LIMCH1: variants seen among roughly 807,000 people sequenced by gnomAD.
LIMCH1 encodes the protein LIM and calponin homology domains 1, also known as LIM and calponin homology domains-containing protein 1.
LIMCH1 carries 113 observed loss-of-function variants against 176.5 expected under a neutral mutation model. The ratio of observed to expected loss-of-function variants is 0.64; its 90% confidence interval spans 0.55 to 0.75. The LOEUF (loss-of-function observed/expected upper bound fraction) is 0.75, where lower values mean the gene tolerates loss of function less well. Ranked by LOEUF, LIMCH1 falls within the 30% of genes least tolerant of loss-of-function variation. The pLI, the probability that LIMCH1 is intolerant of heterozygous loss-of-function variation, is 0.00. For missense variants in LIMCH1, 1,674 were observed against 1,814.9 expected (o/e 0.92, Z 1.41); for synonymous variants, 619 against 645.9 (o/e 0.96, Z 0.63).
chr4:41,623,291 C>T (rs534543242), intron 7 of LIMCH1, among the ~76,000 whole-genome samples: 9 of 152,286 alleles, frequency 5.9e-5, no homozygotes, highest in East Asian at 3.9e-4. Flanking sequence ...CTGACCAGCA[C>T]GTCTTTGCAC....
At chr4:41,461,168 G>A (rs2065318198) in intron 1 of LIMCH1, among the ~76,000 whole-genome samples, 1 of 152,164 alleles carries the variant, frequency 6.6e-6, no homozygotes, top group Non-Finnish European at 1.5e-5. Flanking sequence ...GGTAGATACT[G>A]TTGTTACCTT....
chr4:41,440,089 G>A (rs2062545483), intron 1 of LIMCH1, among the ~76,000 whole-genome samples: 2 of 152,168 alleles, frequency 1.3e-5, no homozygotes, highest in African/African-American at 4.8e-5. Context: ...AGCTGCTGGA[G>A]GAAAGGAAGA....
rs57836727 is a variant in LIMCH1 at position 41,461,895 on chromosome 4, G to C, written c.97-32641G>C. ...TAAGAGCGTAATGAAATGAGCATGT[G>C]CATCCCACAGCCCTTCATCAGGGCC... On this transcript the variant is annotated intron_variant, in intron 1 of 26. Coordinates refer to the LIMCH1 transcript ENST00000313860. Among the ~76,000 whole-genome samples, 565 of 152,312 alleles carry C rather than the reference G, an allele frequency of 3.7e-3. 2 individuals carry two copies. Among genetic ancestry groups the C allele is most frequent in the African/African-American group, 0.013 (529 of 41,568 alleles).
chr4:41,368,300 A>G (rs930581859), intron 1 of LIMCH1, among the ~76,000 whole-genome samples: 1 of 152,226 alleles, frequency 6.6e-6, no homozygotes, highest in Non-Finnish European at 1.5e-5. Flanking sequence ...TATTTCCTGA[A>G]AAGTGTTTAC....
At chr4:41,560,848 G>A (rs1292590661) in intron 1 of LIMCH1, among the ~76,000 whole-genome samples, 2 of 151,998 alleles carry the variant, frequency 1.3e-5, no homozygotes, top group African/African-American at 4.8e-5. Context: ...GTGAAACCCT[G>A]GATCTACAGA....
intron 1 of LIMCH1, among the ~76,000 whole-genome samples, chr4:41,361,402 A>G (rs769792844): frequency 1.1e-4 from 17 of 152,200 alleles, no homozygotes; most frequent in Admixed American, 3.9e-4. Context: ...CTTCCGGAGC[A>G]GAGTTGGCAG....
At chr4:41,645,256 A>G (rs1340384121) in intron 15 of LIMCH1, among the ~76,000 whole-genome samples, 1 of 152,222 alleles carries the variant, frequency 6.6e-6, no homozygotes, top group Non-Finnish European at 1.5e-5. Context: ...ATTTCATTTA[A>G]TTCTCACAAA....
chr4:41,622,706 G>T (rs1345481657), intron 7 of LIMCH1, among the ~76,000 whole-genome samples: 1 of 152,108 alleles, frequency 6.6e-6, no homozygotes, highest in African/African-American at 2.4e-5. Context: ...TCAAATCATA[G>T]TTTAAAAATG....
rs1224790122 is a variant in LIMCH1, at chr4:41,662,913, T to C, written c.3220T>C (p.Ser1074Pro). The stretch of plus-strand genomic sequence containing the variant: ...CAGCCCCCAGCTGAAGAATGATGTG[T>C]CGGAAGAAAAAGACCAGAAGAAACC... ...PSSPQLKNDV[S>P]EEKDQKKPEN... Residue 1074 changes from serine (S) to proline (P), a missense_variant, in exon 20 of 32, where the codon TCG becomes CCG. Coordinates refer to ENST00000503057, the MANE Select transcript of LIMCH1 (RefSeq NM_001330672.2). 6.2e-7 allele frequency: 1 copy of C among 1,613,838 alleles called. No individual in the cohort carries two copies. Among genetic ancestry groups the C allele is most frequent in the Non-Finnish European group, 8.5e-7 (1 of 1,179,956 alleles).
intron 1 of LIMCH1, among the ~76,000 whole-genome samples, chr4:41,417,238 C>T (rs1461869514): frequency 1.3e-5 from 2 of 152,126 alleles, no homozygotes. Flanking sequence ...GATCGAGTCA[C>T]TCCGGGTGAA....
chr4:41,650,497 G>C lies in LIMCH1; in HGVS notation c.2925G>C (p.Gln975His). ...VAPAHSLTKSQMFEGVARVHG... is the reference protein window; with the variant it reads ...VAPAHSLTKSHMFEGVARVHG... ...CTGCCCACTCCTTAACCAAATCCCA[G>C]ATGTTTGAAGGTGTGGCCAGAGTGC... The change falls in exon 18 of 32, where the codon CAG (glutamine) becomes CAC (histidine). Residue 975 changes from glutamine to histidine, a missense_variant. By Grantham distance (24) the Gln-to-His change is conservative. Coordinates refer to ENST00000503057, the MANE Select transcript of LIMCH1 (RefSeq NM_001330672.2). 1 of 1,614,080 alleles carries C rather than the reference G, an allele frequency of 6.2e-7. No individual in the cohort carries two copies. The highest frequency in any genetic ancestry group is 8.5e-7 in the Non-Finnish European group (1 of 1,180,010).
chr4:41,402,217 C>G (rs1301308419), intron 1 of LIMCH1, among the ~76,000 whole-genome samples: 1 of 152,088 alleles, frequency 6.6e-6, no homozygotes, highest in Non-Finnish European at 1.5e-5. Flanking sequence ...CCAAAAGACA[C>G]ATGAAAAATG....
At chr4:41,365,858 G>A (rs1042661763) in intron 1 of LIMCH1, among the ~76,000 whole-genome samples, 4 of 152,196 alleles carry the variant, frequency 2.6e-5, no homozygotes, top group Non-Finnish European at 4.4e-5. Context: ...TTCTTGCCCC[G>A]GCATCTCCCT....
intron 14 of LIMCH1, among the ~76,000 whole-genome samples, chr4:41,641,341 T>G (rs1267523117): frequency 6.6e-6 from 1 of 152,186 alleles, no homozygotes; most frequent in African/African-American, 2.4e-5. Context: ...GAATGACAAC[T>G]CAGCCCATTT....
chr4:41,685,826 C>G lies in LIMCH1; in HGVS notation c.4084C>G (p.Arg1362Gly). 2 of 1,612,182 alleles carry G rather than the reference C, an allele frequency of 1.2e-6. No homozygotes were observed. Among genetic ancestry groups the G allele is most frequent in the Non-Finnish European group, 1.7e-6 (2 of 1,179,136 alleles). ...TCAGATCGAGTCTCCCAGTGAAAGG[C>G]GGAAGTGAGTAACCAGACACGATGG... ...NHQIESPSER[R>G]KKSPREHFQA... Residue 1362 changes from arginine to glycine, a missense_variant, in exon 28 of 32, where the codon CGG (arginine) becomes GGG (glycine). Transcript: ENST00000503057.
At chr4:41,612,624 C>A (rs964578838) in intron 4 of LIMCH1, 1 of 702,530 alleles carries the variant, frequency 1.4e-6, no homozygotes, top group Admixed American at 2.0e-5. Context: ...CTTTGACTGA[C>A]CTTTCTTCTG....
At chr4:41,627,680 T>C (rs1561982199) in intron 8 of LIMCH1, among the ~76,000 whole-genome samples, 1 of 152,170 alleles carries the variant, frequency 6.6e-6, no homozygotes. Flanking sequence ...GACAGGAAAA[T>C]TATAGTAAGA....
intron 2 of LIMCH1, among the ~76,000 whole-genome samples, chr4:41,600,015 A>G: frequency 6.6e-6 from 1 of 152,108 alleles, no homozygotes; most frequent in East Asian, 1.9e-4. Context: ...ATTTTTTAAA[A>G]AGGATGAGGA....
intron 1 of LIMCH1, among the ~76,000 whole-genome samples, chr4:41,573,385 C>T (rs994090987): frequency 1.3e-5 from 2 of 152,116 alleles, no homozygotes; most frequent in South Asian, 2.1e-4. Context: ...GCATAGCAGT[C>T]CACTCAGAGA....
Sources: allele counts gnomAD v4.1 joint callset (sites outside exome capture counted in the v4.1 genomes callset), GRCh38; gene constraint gnomAD v4.1.1; transcripts MANE v1.5; gene names NCBI Gene and HGNC (gene_info 2026-07-23, HGNC 2026-07-21).